MEI4: variants seen among roughly 807,000 people sequenced by gnomAD.
MEI4 encodes the protein meiosis-specific protein MEI4.
MEI4 carries 27 observed loss-of-function variants against 31.4 expected under a neutral mutation model. The observed-to-expected ratio is 0.86, with a 90% CI of 0.63 to 1.19. The LOEUF is 1.19. MEI4 is among the 50% of genes most tolerant of loss of function. MEI4 has a pLI of 0.00. For missense variants in MEI4, 329 were observed against 398.9 expected (o/e 0.82, Z 1.49); for synonymous variants, 122 against 145.4 (o/e 0.84, Z 1.16).
intron 4 of MEI4, among the ~76,000 whole-genome samples, chr6:77,835,695 G>C (rs574977524): frequency 2.6e-5 from 4 of 152,074 alleles, no homozygotes; most frequent in African/African-American, 9.6e-5. Flanking sequence ...CAAATTCACT[G>C]TACTAAGGAG....
intron 4 of MEI4, among the ~76,000 whole-genome samples, chr6:77,893,360 T>C (rs1766010020): frequency 6.6e-6 from 1 of 152,222 alleles, no homozygotes; most frequent in Admixed American, 6.5e-5. Flanking sequence ...CCAGAATGTA[T>C]TTAGTTGTAC....
intron 2 of MEI4, among the ~76,000 whole-genome samples, chr6:77,754,044 G>A (rs919968011): frequency 4.6e-5 from 7 of 151,916 alleles, no homozygotes; most frequent in African/African-American, 1.7e-4. Flanking sequence ...AGTGGGAGTT[G>A]AACAATGAAA....
intron 3 of MEI4, among the ~76,000 whole-genome samples, chr6:77,798,799 A>G (rs1478124782): frequency 3.3e-5 from 5 of 151,758 alleles, no homozygotes; most frequent in East Asian, 1.9e-4. Context: ...AATTTCATCC[A>G]TGTCCCTACA....
At position 77,680,288 on chromosome 6, in the gene MEI4, TAAAAA is replaced by T. The variant is rs534914038; in HGVS notation, c.-14-10364_-14-10360del. Among the ~76,000 whole-genome samples the T allele has an allele frequency of 9.6e-4, 141 of 147,382 alleles. 1 individual carries two copies. Among genetic ancestry groups the T allele is most frequent in the Admixed American group, 2.3e-3 (34 of 14,772 alleles). On this transcript the variant is annotated intron_variant, in intron 1 of 4. Coordinates refer to ENST00000684080, the MANE Select transcript of MEI4 (RefSeq NM_001322247.2). The stretch of plus-strand genomic sequence containing the variant: ...AGACTCCATCTCAAAAAATAAAAAA[TAAAAA>T]AAAAATAAAAGGTCTTCTAGTATTT...
In MEI4 at chr6:77,883,742, A is replaced by C. The variant is rs866170319; in HGVS notation, c.901-39347A>C. ...GATATATATATATATATATATATAT[A>C]TAACTTTGTCTTTGTCTATTCATTT... On this transcript the variant is annotated intron_variant, in intron 4 of 4. Coordinates refer to ENST00000684080, the MANE Select transcript of MEI4 (RefSeq NM_001322247.2). Among the ~76,000 whole-genome samples the C allele has an allele frequency of 6.4e-5, 9 of 139,854 alleles. 1 individual carries two copies. The highest frequency in any genetic ancestry group is 2.5e-4 in the African/African-American group (9 of 35,872). The allele number at this position is 139,854 out of a possible 152,430, so 91.7% of individuals were successfully genotyped here.
intron 2 of MEI4, chr6:77,716,890 A>G (rs1766592968): frequency 1.0e-6 from 1 of 981,082 alleles, no homozygotes; most frequent in Non-Finnish European, 1.2e-6. Flanking sequence ...CTGTCCATTT[A>G]AGTGACCAGG....
chr6:77,708,475 T>C (rs994877908), intron 2 of MEI4, among the ~76,000 whole-genome samples: 1 of 152,212 alleles, frequency 6.6e-6, no homozygotes, highest in Non-Finnish European at 1.5e-5. Flanking sequence ...AAGTTGATGC[T>C]GAAACAAGTT....
At chr6:77,765,602 G>T (rs531741186) in intron 3 of MEI4, among the ~76,000 whole-genome samples, 34 of 126,686 alleles carry the variant, frequency 2.7e-4, no homozygotes, top group African/African-American at 1.0e-3. Flanking sequence ...GTGTGAACTA[G>T]TTCAACCATT....
At chr6:77,683,228 A>G (rs569245388) in intron 1 of MEI4, among the ~76,000 whole-genome samples, 1 of 152,166 alleles carries the variant, frequency 6.6e-6, no homozygotes, top group Admixed American at 6.5e-5. Context: ...TGCTTTTTTT[A>G]ATTAGCTAAA....
chr6:77,807,908 A>T (rs568692575), intron 3 of MEI4, among the ~76,000 whole-genome samples: 6 of 152,330 alleles, frequency 3.9e-5, no homozygotes, highest in Admixed American at 3.9e-4. Context: ...CACACAAAAA[A>T]CAGATGCTAA....
intron 1 of MEI4, among the ~76,000 whole-genome samples, chr6:77,681,027 G>A (rs1361262041): frequency 6.6e-6 from 1 of 152,030 alleles, no homozygotes; most frequent in Non-Finnish European, 1.5e-5. Flanking sequence ...TGACTTTTTT[G>A]GATAGGGCCA....
At chr6:77,856,898 G>C (rs1285382513) in intron 4 of MEI4, among the ~76,000 whole-genome samples, 1 of 152,006 alleles carries the variant, frequency 6.6e-6, no homozygotes, top group Non-Finnish European at 1.5e-5. Flanking sequence ...TCCATATTTT[G>C]AGTACTTTTT....
At chr6:77,750,145 G>A (rs570976209) in intron 2 of MEI4, among the ~76,000 whole-genome samples, 30 of 152,194 alleles carry the variant, frequency 2.0e-4, no homozygotes, top group Admixed American at 1.0e-3. Context: ...AGGAACAACC[G>A]GTACCAGTCA....
chr6:77,793,570 AATT>A (rs1768996468), intron 3 of MEI4, among the ~76,000 whole-genome samples: 1 of 150,432 alleles, frequency 6.6e-6, no homozygotes, highest in Admixed American at 6.6e-5. Flanking sequence ...TGTCAAATAT[AATT>A]ATAGCTGTAA....
chr6:77,900,143 A>G (rs911062074), intron 4 of MEI4, among the ~76,000 whole-genome samples: 1 of 151,940 alleles, frequency 6.6e-6, no homozygotes, highest in Non-Finnish European at 1.5e-5. Context: ...AAGCCAAAAA[A>G]TAATTATTGG....
At chr6:77,801,130 TG>T (rs1268210490) in intron 3 of MEI4, among the ~76,000 whole-genome samples, 2 of 152,218 alleles carry the variant, frequency 1.3e-5, no homozygotes, top group African/African-American at 4.8e-5. Context: ...CCTGGACTTT[TG>T]TTGGTTGGTA....
chr6:77,895,286 C>T (rs1766060370), intron 4 of MEI4, among the ~76,000 whole-genome samples: 1 of 152,152 alleles, frequency 6.6e-6, no homozygotes, highest in African/African-American at 2.4e-5. Flanking sequence ...CATTGTCCTA[C>T]AGAAGGCTAA....
At chr6:77,840,162 C>T (rs1330427971) in intron 4 of MEI4, among the ~76,000 whole-genome samples, 1 of 152,106 alleles carries the variant, frequency 6.6e-6, no homozygotes, top group African/African-American at 2.4e-5. Context: ...ATAATTTTAA[C>T]ATATACATGT....
At chr6:77,834,397 T>A (rs1345322244) in intron 4 of MEI4, among the ~76,000 whole-genome samples, 5 of 147,662 alleles carry the variant, frequency 3.4e-5, no homozygotes, top group Admixed American at 2.7e-4. Context: ...AAATTATATA[T>A]AATATAAAAT....
Sources: allele counts gnomAD v4.1 joint callset (sites outside exome capture counted in the v4.1 genomes callset), GRCh38; gene constraint gnomAD v4.1.1; transcripts MANE v1.5; gene names NCBI Gene and HGNC (gene_info 2026-07-23, HGNC 2026-07-21).